The following CADM2 variants were observed in gnomAD, a reference collection of about 807,000 sequenced individuals.
CADM2 encodes the protein immunoglobulin superfamily member 4D.
A neutral mutation model predicts 49.8 loss-of-function variants in CADM2; 12 were observed. That is an observed-to-expected ratio of 0.24 (90% CI 0.15 to 0.39). The LOEUF (loss-of-function observed/expected upper bound fraction) is 0.39, where lower values mean the gene tolerates loss of function less well. CADM2 is among the 10% of genes least tolerant of loss of function. The pLI is 1.00. For missense variants in CADM2, 378 were observed against 492.3 expected (o/e 0.77, Z 2.20); for synonymous variants, 214 against 175.4 (o/e 1.22, Z -1.74).
Position 85,520,666 on chromosome 3 carries a change from G to C in CADM2, c.62-205856G>C, listed in dbSNP as rs567482852. Among the ~76,000 whole-genome samples the C allele has an allele frequency of 5.3e-5, 8 of 152,012 alleles. No homozygotes were observed. The East Asian group carries it at 1.5e-3, about 29-fold the overall frequency. On this transcript the variant is annotated intron_variant, in intron 1 of 9. Transcript: ENST00000383699. ...ATTAGACATTTATCAGTCATCTCTAGCTTATATCAGAGAGGAAAAAGTAAT... is the reference window on the plus strand; with the variant it reads ...ATTAGACATTTATCAGTCATCTCTACCTTATATCAGAGAGGAAAAAGTAAT...
chr3:85,716,260 T>C (rs2067289909), intron 1 of CADM2, among the ~76,000 whole-genome samples: 1 of 152,252 alleles, frequency 6.6e-6, no homozygotes, highest in Admixed American at 6.5e-5. Flanking sequence ...TGACCAATGA[T>C]GATGAGCTTT....
chr3:85,398,670 G>T (rs768702644), intron 1 of CADM2, among the ~76,000 whole-genome samples: 33 of 152,102 alleles, frequency 2.2e-4, no homozygotes, highest in Non-Finnish European at 4.3e-4. Context: ...AGCACCTGTT[G>T]TTTCCTGACA....
rs1047174272 is a variant in CADM2 at position 85,595,868 on chromosome 3, A to G, written c.62-130654A>G. Among the ~76,000 whole-genome samples, 3 of 151,906 alleles carry G rather than the reference A, an allele frequency of 2.0e-5. No individual in the cohort carries two copies. The South Asian group carries it at 6.2e-4, about 31-fold the overall frequency. ...TTTTCTTTTGGTCCAGGAGGCTTTG[A>G]TTGATAAAAATAATTTCGTCTCTGT... On this transcript the variant is annotated intron_variant, in intron 1 of 9. Transcript: ENST00000383699.
At chr3:86,044,353 A>G (rs905937739) in intron 8 of CADM2, among the ~76,000 whole-genome samples, 1 of 152,200 alleles carries the variant, frequency 6.6e-6, no homozygotes, top group African/African-American at 2.4e-5. Flanking sequence ...ATGAACTCAA[A>G]CAAATTTACA....
At chr3:85,568,469 C>CTCTTTCTCTCTT (rs1559916062) in intron 1 of CADM2, among the ~76,000 whole-genome samples, 2 of 11,156 alleles carry the variant, frequency 1.8e-4, no homozygotes, top group African/African-American at 3.1e-4. Context: ...CTTTCTCTTT[C>CTCTTTCTCTCTT]TCTCTCTTTC....
intron 1 of CADM2, among the ~76,000 whole-genome samples, chr3:85,184,176 G>A (rs1044220522): frequency 1.3e-5 from 2 of 151,654 alleles, no homozygotes; most frequent in African/African-American, 4.8e-5. Context: ...GATAATAAAT[G>A]AAAAAAAATT....
chr3:85,032,407 G>A (rs1453517571), intron 1 of CADM2, among the ~76,000 whole-genome samples: 1 of 152,038 alleles, frequency 6.6e-6, no homozygotes, highest in Non-Finnish European at 1.5e-5. Context: ...GTCATGTGGG[G>A]ACGCTCAGAA....
intron 6 of CADM2, among the ~76,000 whole-genome samples, chr3:85,929,644 G>C (rs574810292): frequency 6.6e-6 from 1 of 151,756 alleles, no homozygotes; most frequent in Non-Finnish European, 1.5e-5. Context: ...AAATAATAGA[G>C]AGAAATATGT....
chr3:85,929,961 A>C (rs1720385721), intron 6 of CADM2, among the ~76,000 whole-genome samples: 1 of 152,046 alleles, frequency 6.6e-6, no homozygotes, highest in Non-Finnish European at 1.5e-5. Flanking sequence ...TGCTATTAAA[A>C]ACAATTATTC....
intron 1 of CADM2, among the ~76,000 whole-genome samples, chr3:85,143,736 G>A (rs766644440): frequency 6.6e-6 from 1 of 152,046 alleles, no homozygotes; most frequent in Admixed American, 6.5e-5. Flanking sequence ...TTATCCTGGG[G>A]TATTACCCTA....
At chr3:85,792,989 A>G (rs1251757590) in intron 2 of CADM2, among the ~76,000 whole-genome samples, 2 of 152,116 alleles carry the variant, frequency 1.3e-5, no homozygotes, top group South Asian at 4.2e-4. Flanking sequence ...GGCACCATGG[A>G]ACATTTGAGG....
intron 1 of CADM2, among the ~76,000 whole-genome samples, chr3:85,168,535 A>G (rs2040531566): frequency 6.6e-6 from 1 of 152,220 alleles, no homozygotes; most frequent in Non-Finnish European, 1.5e-5. Flanking sequence ...TTCAAGAAAC[A>G]TAATTCAGAC....
At chr3:85,180,080 C>G (rs1304269684) in intron 1 of CADM2, among the ~76,000 whole-genome samples, 4 of 151,602 alleles carry the variant, frequency 2.6e-5, no homozygotes, top group Non-Finnish European at 5.9e-5. Flanking sequence ...CTTTTACATT[C>G]AAATTGGGCT....
rs949720206 is a variant in CADM2, at chr3:86,055,472, T to G, written c.971-10133T>G. ...CCCTCTTTTTTTTTTTTTTTTTTTT[T>G]TTTTTTTGGTTTTAGAGGGATTCTT... is the stretch of plus-strand genomic sequence containing the variant. On this transcript the variant is annotated intron_variant, in intron 8 of 9. Transcript: ENST00000383699. Among the ~76,000 whole-genome samples, 15 of 132,772 alleles carry G rather than the reference T, an allele frequency of 1.1e-4. 1 individual carries two copies. The highest frequency in any genetic ancestry group is 8.2e-4 in the South Asian group (3 of 3,666). The allele number at this position is 132,772 out of a possible 152,430, so 87.1% of individuals were successfully genotyped here. A position where few individuals can be genotyped will look rare whatever the true frequency, so the allele number is the denominator to read the frequency against.
intron 6 of CADM2, among the ~76,000 whole-genome samples, chr3:85,914,272 AT>A (rs2108486391): frequency 6.6e-6 from 1 of 152,082 alleles, no homozygotes; most frequent in East Asian, 1.9e-4. Context: ...CTTTGGGAAA[AT>A]TACTGAAACT....
At chr3:86,025,686 G>T (rs183148666) in intron 8 of CADM2, among the ~76,000 whole-genome samples, 76 of 152,182 alleles carry the variant, frequency 5.0e-4, no homozygotes, top group Middle Eastern at 3.4e-3. Flanking sequence ...AATTCATAGA[G>T]TAATTTATTA....
intron 3 of CADM2, among the ~76,000 whole-genome samples, chr3:85,828,765 T>G (rs1009756332): frequency 3.4e-4 from 51 of 152,118 alleles, no homozygotes; most frequent in Middle Eastern, 3.4e-3. Context: ...AACCATATTG[T>G]TTTCTCCTTC....
chr3:86,014,787 C>T, intron 8 of CADM2: 1 of 1,473,598 alleles, frequency 6.8e-7, no homozygotes, highest in South Asian at 1.4e-5. Flanking sequence ...CAAATAGAAA[C>T]ACAGGAGGAA....
At chr3:85,951,278 A>G (rs1333122830) in intron 7 of CADM2, among the ~76,000 whole-genome samples, 1 of 151,080 alleles carries the variant, frequency 6.6e-6, no homozygotes, top group African/African-American at 2.4e-5. Context: ...TCTCACACAC[A>G]AATGCACAAA....
Sources: gnomAD v4.1 joint callset for allele counts (sites outside exome capture counted in the v4.1 genomes callset) on GRCh38, gnomAD v4.1.1 for gene constraint, MANE v1.5 for transcripts, NCBI Gene and HGNC (gene_info 2026-07-23, HGNC 2026-07-21) for gene names.